The following PNPLA8 variants were observed in gnomAD, a reference collection of about 807,000 sequenced individuals.
The protein encoded by PNPLA8 is patatin like domain 8, phospholipase A2, also known as calcium-independent phospholipase A2-gamma.
A neutral mutation model predicts 76.9 loss-of-function variants in PNPLA8; 39 were observed. The observed-to-expected ratio is 0.51, with a 90% CI of 0.39 to 0.66. PNPLA8 has a LOEUF of 0.66. PNPLA8 is among the 30% of genes least tolerant of loss of function. The probability of loss-of-function intolerance (pLI) is 0.00; values close to 1 mark genes in which losing one functional copy is unlikely to be tolerated. For synonymous variants in PNPLA8, 301 were observed against 307.9 expected, an observed-to-expected ratio of 0.98 and a Z score of 0.24; for missense variants, 887 against 918.0, an observed-to-expected ratio of 0.97 and a Z score of 0.44.
chr7:108,489,283 G>A (rs1469704141), intron 8 of PNPLA8, among the ~76,000 whole-genome samples: 1 of 152,196 alleles, frequency 6.6e-6, no homozygotes, highest in Non-Finnish European at 1.5e-5. Context: ...CTGAGGCCCT[G>A]CGTCTGATCT....
chr7:108,489,996 A>T (rs1461530344), intron 8 of PNPLA8, among the ~76,000 whole-genome samples: 1 of 152,234 alleles, frequency 6.6e-6, no homozygotes, highest in African/African-American at 2.4e-5. Flanking sequence ...TTGCATATCA[A>T]TGTTTTGGTC....
At chr7:108,478,088 A>G (rs1860125883) in intron 10 of PNPLA8, among the ~76,000 whole-genome samples, 1 of 152,240 alleles carries the variant, frequency 6.6e-6, no homozygotes, top group African/African-American at 2.4e-5. Flanking sequence ...TAAGAGAAAA[A>G]GAGAAAAAGA....
intron 7 of PNPLA8, among the ~76,000 whole-genome samples, chr7:108,492,367 T>C (rs1366404488): frequency 2.0e-5 from 3 of 152,212 alleles, no homozygotes; most frequent in African/African-American, 7.2e-5. Flanking sequence ...TTCTACTACA[T>C]AAAGATCAAT....
chr7:108,504,052 G>A (rs916605409), intron 4 of PNPLA8, among the ~76,000 whole-genome samples: 2 of 152,104 alleles, frequency 1.3e-5, no homozygotes, highest in Non-Finnish European at 2.9e-5. Context: ...AACACACCCT[G>A]GAAGAATATG....
Position 108,514,882 on chromosome 7 carries a change from AT to A in PNPLA8, c.609del (p.Phe204SerfsTer38). The A allele has an allele frequency of 6.2e-7, 1 of 1,608,158 alleles. No homozygotes were observed. Among genetic ancestry groups the A allele is most frequent in the Non-Finnish European group, 8.5e-7 (1 of 1,176,312 alleles). On this transcript the variant is annotated frameshift_variant, in exon 3 of 11. Coordinates refer to ENST00000257694, the MANE Select transcript of PNPLA8 (RefSeq NM_001256007.3). LOFTEE classifies it high-confidence loss of function. ...TSSITTKFGD[S>X]FYFLSNHINS... is the part of the protein sequence containing the mutation. Reference sequence around the variant, plus strand: ...TTAATATGATTTGATAAAAAGTAGAATGAGTCTCCAAATTTTGTGGTTATAG... The same window carrying A: ...TTAATATGATTTGATAAAAAGTAGAAGAGTCTCCAAATTTTGTGGTTATAG...
chr7:108,510,101 G>A (rs1361625979), intron 4 of PNPLA8: 16 of 509,254 alleles, frequency 3.1e-5, no homozygotes, highest in South Asian at 1.3e-4. Flanking sequence ...TGGGTGCAGC[G>A]CACCAGCATG....
intron 4 of PNPLA8, among the ~76,000 whole-genome samples, chr7:108,503,600 G>A (rs1042259718): frequency 3.3e-5 from 5 of 152,110 alleles, no homozygotes; most frequent in African/African-American, 1.2e-4. Context: ...AGAAAATCTT[G>A]ATGAAATACA....
Position 108,515,251 on chromosome 7 carries a change from T to A in PNPLA8, c.241A>T (p.Ile81Phe). ...GAAGTGCTAAGTTTCAAAATCCCAA[T>A]ATGTAAACCATGGTTGCTTGGAGAG... Reference protein sequence around the residue: ...CYSPSNHGLHIGILKLSTSAP... With the variant: ...CYSPSNHGLHFGILKLSTSAP... The change falls in exon 3 of 11, where the codon ATT (isoleucine) becomes TTT (phenylalanine). Residue 81 changes from isoleucine (I) to phenylalanine (F), a missense_variant. Ile to Phe is a conservative substitution (Grantham distance 21). Coordinates refer to ENST00000257694, the MANE Select transcript of PNPLA8 (RefSeq NM_001256007.3). 2 of 1,602,614 alleles carry A rather than the reference T, an allele frequency of 1.2e-6. No individual in the cohort carries two copies. The highest frequency in any genetic ancestry group is 1.7e-6 in the Non-Finnish European group (2 of 1,173,574).
chr7:108,506,286 G>A (rs891675121), intron 4 of PNPLA8, among the ~76,000 whole-genome samples: 2 of 152,216 alleles, frequency 1.3e-5, no homozygotes, highest in Middle Eastern at 3.4e-3. Context: ...GCTGAGGCAG[G>A]AGAACTGCTT....
chr7:108,515,936 G>A (rs1863308755), intron 2 of PNPLA8, among the ~76,000 whole-genome samples: 1 of 151,978 alleles, frequency 6.6e-6, no homozygotes, highest in African/African-American at 2.4e-5. Context: ...TGTGACACTA[G>A]ACTTTAATTC....
chr7:108,479,752 T>C (rs1037884998), intron 9 of PNPLA8, among the ~76,000 whole-genome samples: 1 of 152,212 alleles, frequency 6.6e-6, no homozygotes, highest in Non-Finnish European at 1.5e-5. Flanking sequence ...AATTAGTTCT[T>C]CTCTCACAAG....
chr7:108,515,277 TAACAGTGCTTACTGCAAG>T lies in PNPLA8; in HGVS notation c.197_214del (p.Ser66_Cys71del). ...ATGTAAACCATGGTTGCTTGGAGAGTAACAGTGCTTACTGCAAGAATGTGCTTCACTTTTGGTCCATTT... is the reference window on the plus strand; with the variant it reads ...ATGTAAACCATGGTTGCTTGGAGAGTAATGTGCTTCACTTTTGGTCCATTT... On this transcript the variant is annotated inframe_deletion, in exon 3 of 11. Coordinates refer to ENST00000257694, the MANE Select transcript of PNPLA8 (RefSeq NM_001256007.3). The T allele has an allele frequency of 6.2e-7, 1 of 1,608,196 alleles. No homozygotes were observed. The highest frequency in any genetic ancestry group is 8.5e-7 in the Non-Finnish European group (1 of 1,177,186).
chr7:108,488,627 T>G (rs769049728), intron 8 of PNPLA8, among the ~76,000 whole-genome samples: 3 of 152,184 alleles, frequency 2.0e-5, no homozygotes, highest in Non-Finnish European at 4.4e-5. Flanking sequence ...ATAATATCAC[T>G]TACAAATTAG....
In PNPLA8 at chr7:108,487,799, C is replaced by A; in HGVS notation, c.1838G>T (p.Gly613Val). ...TCCCAATGCATATTCTGCAAAGTAG[C>A]CTGGAGCAGCAGATGAGGCTCTAAT... is the stretch of plus-strand genomic sequence containing the variant. Reference protein sequence around the residue: ...QAIRASSAAPGYFAEYALGND... With the variant: ...QAIRASSAAPVYFAEYALGND... Residue 613 changes from glycine to valine, a missense_variant, in exon 9 of 11, where the codon GGC becomes GTC. By Grantham distance (109) the Gly-to-Val change is moderately radical (BLOSUM62 -3). Transcript: ENST00000257694. The A allele has an allele frequency of 6.2e-7, 1 of 1,612,980 alleles. No individual in the cohort carries two copies. Among genetic ancestry groups the A allele is most frequent in the Admixed American group, 1.7e-5 (1 of 59,874 alleles).
chr7:108,477,457 T>C (rs1221509533), intron 10 of PNPLA8, among the ~76,000 whole-genome samples: 1 of 152,154 alleles, frequency 6.6e-6, no homozygotes, highest in Non-Finnish European at 1.5e-5. Flanking sequence ...TATGCTGATA[T>C]GAAAAGAATG....
intron 1 of PNPLA8, among the ~76,000 whole-genome samples, chr7:108,524,829 G>C (rs1474202781): frequency 6.6e-6 from 1 of 152,138 alleles, no homozygotes; most frequent in Non-Finnish European, 1.5e-5. Context: ...GGCAGGACAG[G>C]AAGGTGTCTA....
intron 10 of PNPLA8, among the ~76,000 whole-genome samples, chr7:108,476,347 C>A (rs1278630916): frequency 6.6e-6 from 1 of 152,144 alleles, no homozygotes; most frequent in Non-Finnish European, 1.5e-5. Context: ...TATGCGACTG[C>A]CCGACTAAAG....
In PNPLA8 at chr7:108,514,352, A is replaced by G. The variant is rs960918656; in HGVS notation, c.1057-59T>C. 5.8e-6 allele frequency: 9 copies of G among 1,544,608 alleles called. No individual in the cohort carries two copies. The Admixed American group carries it at 1.2e-4, about 20-fold the overall frequency. The stretch of plus-strand genomic sequence containing the variant: ...TACAAAACTGCTCTAAAGAACAATG[A>G]AAGTTTCTTAGTTCTCATTAGGAAA... On this transcript the variant is annotated intron_variant, in intron 3 of 10. Transcript: ENST00000257694.
intron 9 of PNPLA8, 58 bp downstream of exon 9, chr7:108,487,701 G>C: frequency 1.9e-6 from 2 of 1,068,266 alleles, no homozygotes; most frequent in South Asian, 3.2e-5. Flanking sequence ...CATTTAATAA[G>C]TGCTGATTCT....
Sources: gnomAD v4.1 joint callset for allele counts (sites outside exome capture counted in the v4.1 genomes callset) on GRCh38, gnomAD v4.1.1 for gene constraint, MANE v1.5 for transcripts, NCBI Gene and HGNC (gene_info 2026-07-23, HGNC 2026-07-21) for gene names.